Variants in GAP43 observed in about 807,000 individuals in gnomAD.
The protein encoded by GAP43 is neuromodulin.
In GAP43, 6 loss-of-function variants were observed where a neutral mutation model predicts 18.6. The ratio of observed to expected loss-of-function variants is 0.32; its 90% CI spans 0.18 to 0.64. The LOEUF is 0.64. Among genes scored for constraint, GAP43 ranks in the 30% least tolerant of loss-of-function variants. The probability of loss-of-function intolerance (pLI) is 0.78; values close to 1 mark genes in which losing one functional copy is unlikely to be tolerated. For synonymous variants in GAP43, 115 were observed against 111.4 expected, an observed-to-expected ratio of 1.03 and a Z score of -0.20; for missense variants, 292 against 295.5, an observed-to-expected ratio of 0.99 and a Z score of 0.09.
At chr3:115,708,569 C>T (rs529922352) in intron 2 of GAP43, among the ~76,000 whole-genome samples, 1 of 152,176 alleles carries the variant, frequency 6.6e-6, no homozygotes, top group Non-Finnish European at 1.5e-5. Flanking sequence ...GACGAGAGTT[C>T]AGGGGAAATG....
Position 115,676,428 on chromosome 3 carries a change from A to G in GAP43, c.446A>G (p.Asp149Gly), listed in dbSNP as rs376954136. 2.5e-6 allele frequency: 4 copies of G among 1,613,926 alleles called. No individual in the cohort carries two copies. In the African/African-American group the frequency reaches 4.0e-5, roughly 16 times the overall value. The part of the protein sequence containing the change: ...ETESATKAST[D>G]NSPSSKAEDA... ...GAAAGTGCCACTAAAGCTTCCACTG[A>G]TAACTCGCCGTCCTCCAAGGCTGAA... is the stretch of plus-strand genomic sequence containing the variant. The change falls in exon 2 of 3, where the codon GAT becomes GGT. Residue 149 changes from aspartate to glycine, a missense_variant. Asp to Gly is a moderately conservative substitution (Grantham distance 94). Transcript: ENST00000305124.
chr3:115,691,579 A>G (rs1480908974), intron 2 of GAP43, among the ~76,000 whole-genome samples: 1 of 152,192 alleles, frequency 6.6e-6, no homozygotes, highest in African/African-American at 2.4e-5. Flanking sequence ...AGCTGAAGCT[A>G]TTGGGGAACT....
intron 2 of GAP43, among the ~76,000 whole-genome samples, chr3:115,683,460 G>T (rs927516483): frequency 6.6e-6 from 1 of 152,096 alleles, no homozygotes; most frequent in African/African-American, 2.4e-5. Context: ...ACTTGAGATT[G>T]AATATAAAGA....
chr3:115,716,499 T>G (rs546993449), intron 2 of GAP43, among the ~76,000 whole-genome samples: 1 of 151,842 alleles, frequency 6.6e-6, no homozygotes, highest in African/African-American at 2.4e-5. Context: ...TTTATCTCAC[T>G]TTGGAAGCTG....
In GAP43 at chr3:115,676,332, A is replaced by T; in HGVS notation, c.350A>T (p.Asp117Val). 1 of 1,614,160 alleles carries T rather than the reference A, an allele frequency of 6.2e-7. No homozygotes were observed. The highest frequency in any genetic ancestry group is 1.1e-5 in the South Asian group (1 of 91,078). ...TCCGAGGAGAAGAAGGGGGAGGGTG[A>T]TGCTGCCACAGAGCAGGCAGCCCCC... ...TPSEEKKGEG[D>V]AATEQAAPQA... Residue 117 changes from aspartate (D) to valine (V), a missense_variant, in exon 2 of 3, where the codon GAT becomes GTT. Physicochemically the swap from Asp to Val is radical, Grantham distance 152. Coordinates refer to ENST00000305124, the MANE Select transcript of GAP43 (RefSeq NM_002045.4).
intron 2 of GAP43, among the ~76,000 whole-genome samples, chr3:115,710,929 C>G (rs1709429042): frequency 6.6e-6 from 1 of 152,100 alleles, no homozygotes; most frequent in African/African-American, 2.4e-5. Context: ...ATCCAGCCTG[C>G]CAAGGCATAA....
At chr3:115,708,946 T>G (rs1377408965) in intron 2 of GAP43, among the ~76,000 whole-genome samples, 2 of 146,856 alleles carry the variant, frequency 1.4e-5, no homozygotes, top group African/African-American at 2.5e-5. Flanking sequence ...CTGGGTTTTT[T>G]TTTTTTTTTT....
chr3:115,699,740 C>G (rs1709273449), intron 2 of GAP43, among the ~76,000 whole-genome samples: 1 of 152,126 alleles, frequency 6.6e-6, no homozygotes, highest in South Asian at 2.1e-4. Context: ...GCTCTTTCTT[C>G]TTTAAGAAGG....
intron 2 of GAP43, among the ~76,000 whole-genome samples, chr3:115,684,350 G>T (rs1486991628): frequency 6.6e-6 from 1 of 152,094 alleles, no homozygotes; most frequent in African/African-American, 2.4e-5. Context: ...CTCAGATAAA[G>T]TGGAGATGAA....
At chr3:115,639,586 T>A (rs1242188157) in intron 1 of GAP43, among the ~76,000 whole-genome samples, 1 of 152,108 alleles carries the variant, frequency 6.6e-6, no homozygotes, top group Non-Finnish European at 1.5e-5. Context: ...TAAAAAACTA[T>A]GTACAATAAC....
intron 2 of GAP43, among the ~76,000 whole-genome samples, chr3:115,694,281 T>C (rs1709155395): frequency 1.3e-5 from 2 of 152,348 alleles, no homozygotes; most frequent in South Asian, 4.1e-4. Context: ...ACAAGCCCTG[T>C]ATGTCTATTG....
At chr3:115,633,815 G>A (rs186940501) in intron 1 of GAP43, among the ~76,000 whole-genome samples, 63 of 152,208 alleles carry the variant, frequency 4.1e-4, no homozygotes, top group Non-Finnish European at 6.8e-4. Context: ...TTGCTCTAAC[G>A]TCTCTTTTTC....
At chr3:115,699,697 A>G (rs1709272950) in intron 2 of GAP43, among the ~76,000 whole-genome samples, 1 of 152,222 alleles carries the variant, frequency 6.6e-6, no homozygotes, top group Admixed American at 6.5e-5. Flanking sequence ...TGCAGTGAGA[A>G]GACAACCGAG....
At chr3:115,648,672 T>C (rs983320174) in intron 1 of GAP43, among the ~76,000 whole-genome samples, 1 of 152,062 alleles carries the variant, frequency 6.6e-6, no homozygotes. Context: ...CAAAGGCTGA[T>C]TGAGAGCTTA....
At chr3:115,639,455 C>T (rs1708370296) in intron 1 of GAP43, among the ~76,000 whole-genome samples, 1 of 152,072 alleles carries the variant, frequency 6.6e-6, no homozygotes, top group African/African-American at 2.4e-5. Context: ...CCTTTCCTCA[C>T]ATTTAAAGCT....
At chr3:115,647,170 C>T (rs542451337) in intron 1 of GAP43, among the ~76,000 whole-genome samples, 79 of 88,310 alleles carry the variant, frequency 8.9e-4, no homozygotes, top group Non-Finnish European at 1.5e-3. Flanking sequence ...AAAGAGACCC[C>T]ATAGAGCTTC....
intron 2 of GAP43, among the ~76,000 whole-genome samples, chr3:115,712,307 A>G (rs1709450560): frequency 1.3e-5 from 2 of 152,154 alleles, no homozygotes; most frequent in African/African-American, 4.8e-5. Flanking sequence ...AGTCATTCAT[A>G]TCTTTGTTTC....
intron 1 of GAP43, among the ~76,000 whole-genome samples, chr3:115,666,642 C>T (rs1183635699): frequency 6.6e-6 from 1 of 151,976 alleles, no homozygotes; most frequent in African/African-American, 2.4e-5. Flanking sequence ...TTTTTTATTC[C>T]CTCATCCTGC....
At chr3:115,628,397 C>T (rs969127884) in intron 1 of GAP43, among the ~76,000 whole-genome samples, 1 of 152,082 alleles carries the variant, frequency 6.6e-6, no homozygotes, top group African/African-American at 2.4e-5. Context: ...CTCTATAGTT[C>T]TCTGTCTCAC....
Sources: allele counts gnomAD v4.1 joint callset (sites outside exome capture counted in the v4.1 genomes callset), GRCh38; gene constraint gnomAD v4.1.1; transcripts MANE v1.5; gene names NCBI Gene and HGNC (gene_info 2026-07-23, HGNC 2026-07-21).